PRKN: variants seen among roughly 807,000 people sequenced by gnomAD.
The protein encoded by PRKN is E3 ubiquitin-protein ligase parkin.
Under a neutral mutation model 59.5 loss-of-function variants are expected in PRKN, and 56 were observed. The ratio of observed to expected loss-of-function variants is 0.94; its 90% CI spans 0.76 to 1.18. PRKN has a LOEUF of 1.18. PRKN is among the 50% of genes most tolerant of loss of function. PRKN has a pLI of 0.00. For missense variants in PRKN, 657 were observed against 596.4 expected (o/e 1.10, Z -1.06); for synonymous variants, 250 against 222.1 (o/e 1.13, Z -1.12).
chr6:162,244,989 A>T (rs1779140893), intron 3 of PRKN, among the ~76,000 whole-genome samples: 1 of 152,116 alleles, frequency 6.6e-6, no homozygotes, highest in African/African-American at 2.4e-5. Context: ...GGAAATACTT[A>T]TTATTCTCTT....
chr6:161,751,565 A>C (rs1395040530), intron 7 of PRKN, among the ~76,000 whole-genome samples: 1 of 152,208 alleles, frequency 6.6e-6, no homozygotes, highest in Non-Finnish European at 1.5e-5. Flanking sequence ...TCATAAAGTA[A>C]GTTAAAAATT....
intron 8 of PRKN, 68 bp downstream of exon 8, chr6:161,569,287 G>T: frequency 1.4e-6 from 2 of 1,441,392 alleles, no homozygotes; most frequent in Non-Finnish European, 2.0e-6. Context: ...TCCCTGGGGA[G>T]CCCAAACTGT....
chr6:161,506,231 A>G (rs1437172472), intron 9 of PRKN, among the ~76,000 whole-genome samples: 3 of 152,036 alleles, frequency 2.0e-5, no homozygotes, highest in African/African-American at 7.3e-5. Flanking sequence ...CTCCTTGAAG[A>G]GGTCCTTCAC....
intron 1 of PRKN, among the ~76,000 whole-genome samples, chr6:162,631,068 T>C (rs1783092563): frequency 6.6e-6 from 1 of 152,086 alleles, no homozygotes; most frequent in Non-Finnish European, 1.5e-5. Flanking sequence ...ATACAACAGG[T>C]CATAAGACCT....
intron 6 of PRKN, among the ~76,000 whole-genome samples, chr6:161,944,028 G>A (rs1249704430): frequency 6.8e-6 from 1 of 147,314 alleles, no homozygotes; most frequent in African/African-American, 2.6e-5. Flanking sequence ...ATCAGCCTGA[G>A]GAATCAGCCT....
At chr6:161,776,041 C>T (rs1789909829) in intron 7 of PRKN, among the ~76,000 whole-genome samples, 1 of 152,170 alleles carries the variant, frequency 6.6e-6, no homozygotes, top group East Asian at 1.9e-4. Flanking sequence ...AATGGTGAGG[C>T]TGATGGCATT....
At chr6:161,989,033 C>T (rs1326888377) in intron 5 of PRKN, among the ~76,000 whole-genome samples, 1 of 152,142 alleles carries the variant, frequency 6.6e-6, no homozygotes, top group Non-Finnish European at 1.5e-5. Flanking sequence ...TGGTGTGCTG[C>T]ACCCATTAAC....
At chr6:161,532,714 G>A (rs1278600297) in intron 9 of PRKN, among the ~76,000 whole-genome samples, 2 of 152,180 alleles carry the variant, frequency 1.3e-5, no homozygotes, top group Non-Finnish European at 2.9e-5. Context: ...TGGCTGGAAT[G>A]TCATGGTCAG....
intron 1 of PRKN, among the ~76,000 whole-genome samples, chr6:162,481,225 G>A (rs988398456): frequency 6.6e-6 from 1 of 152,132 alleles, no homozygotes; most frequent in Non-Finnish European, 1.5e-5. Context: ...ATTCCCTATT[G>A]ATCTAGCCAG....
intron 6 of PRKN, among the ~76,000 whole-genome samples, chr6:161,817,561 C>G (rs980539962): frequency 3.3e-5 from 5 of 152,162 alleles, no homozygotes; most frequent in African/African-American, 1.2e-4. Context: ...TTTAAACATC[C>G]TTACATGGTA....
In PRKN at chr6:161,606,939, G is replaced by A. The variant is rs189798634; in HGVS notation, c.872-37523C>T. On this transcript the variant is annotated intron_variant, in intron 7 of 11. Coordinates refer to ENST00000366898, the MANE Select transcript of PRKN (RefSeq NM_004562.3). ...CCCTACAGAGTGGATCTGGGCTCAG[G>A]CCACCTGGCACAGCATGGGGGGGAG... 1.7e-3 allele frequency among the ~76,000 whole-genome samples: 258 copies of A among 152,286 alleles called. 1 individual carries two copies. The highest frequency in any genetic ancestry group is 6.0e-3 in the African/African-American group (249 of 41,580).
At chr6:161,438,647 A>G (rs900977800) in intron 9 of PRKN, among the ~76,000 whole-genome samples, 1 of 152,194 alleles carries the variant, frequency 6.6e-6, no homozygotes, top group Non-Finnish European at 1.5e-5. Context: ...AAATCTTTCA[A>G]TGCATGGGTC....
chr6:162,137,608 G>A (rs895297385), intron 4 of PRKN, among the ~76,000 whole-genome samples: 2 of 152,222 alleles, frequency 1.3e-5, no homozygotes, highest in Non-Finnish European at 2.9e-5. Context: ...GGGAGGTCCA[G>A]TATCAAGGTG....
At chr6:161,493,189 C>T (rs1777621927) in intron 9 of PRKN, among the ~76,000 whole-genome samples, 3 of 152,154 alleles carry the variant, frequency 2.0e-5, no homozygotes, top group South Asian at 4.1e-4. Flanking sequence ...TTCATATTTC[C>T]ATCTCCCACA....
intron 6 of PRKN, among the ~76,000 whole-genome samples, chr6:161,900,772 A>C (rs1411132267): frequency 1.6e-5 from 1 of 61,996 alleles, no homozygotes; most frequent in Non-Finnish European, 3.0e-5. Flanking sequence ...TATACAACAT[A>C]CATAATTATA....
chr6:162,469,529 CAT>C (rs1491327794), intron 1 of PRKN, among the ~76,000 whole-genome samples: 4 of 148,782 alleles, frequency 2.7e-5, no homozygotes, highest in African/African-American at 4.9e-5. Flanking sequence ...CACACACACA[CAT>C]ACACATACTA....
At chr6:162,119,290 G>A (rs537209713) in intron 4 of PRKN, among the ~76,000 whole-genome samples, 4 of 152,238 alleles carry the variant, frequency 2.6e-5, no homozygotes, top group African/African-American at 9.6e-5. Flanking sequence ...TTAAATCAAG[G>A]GGCCTCGGGA....
chr6:162,433,701 T>TG (rs2128164084), intron 2 of PRKN, among the ~76,000 whole-genome samples: 1 of 123,264 alleles, frequency 8.1e-6, no homozygotes, highest in Admixed American at 7.4e-5. Flanking sequence ...AATGTTTGTG[T>TG]TTATTTCCTG....
intron 5 of PRKN, among the ~76,000 whole-genome samples, chr6:161,975,451 T>C (rs1049854386): frequency 1.3e-5 from 2 of 152,236 alleles, no homozygotes; most frequent in Non-Finnish European, 2.9e-5. Context: ...TTATTTATCA[T>C]TTATTTAATA....
Sources: gnomAD v4.1 joint callset for allele counts (sites outside exome capture counted in the v4.1 genomes callset) on GRCh38, gnomAD v4.1.1 for gene constraint, MANE v1.5 for transcripts, NCBI Gene and HGNC (gene_info 2026-07-23, HGNC 2026-07-21) for gene names.